Variants in UNC13C observed in about 807,000 individuals in gnomAD.
UNC13C encodes protein unc-13 homolog C.
Under a neutral mutation model 245.4 loss-of-function variants are expected in UNC13C, and 174 were observed. The observed-to-expected ratio is 0.71, with a 90% confidence interval of 0.63 to 0.80. UNC13C has a LOEUF of 0.80. UNC13C is among the 30% of genes least tolerant of loss of function. UNC13C has a pLI of 0.00. For missense variants in UNC13C, 2,829 were observed against 2,602.9 expected (o/e 1.09, Z -1.89); for synonymous variants, 992 against 895.1 (o/e 1.11, Z -1.93).
chr15:54,156,124 G>A (rs573302716), intron 4 of UNC13C, among the ~76,000 whole-genome samples: 9 of 152,300 alleles, frequency 5.9e-5, no homozygotes, highest in East Asian at 3.9e-4. Flanking sequence ...AGAAACTGAT[G>A]GATTTAAATT....
At position 54,555,743 on chromosome 15, in the gene UNC13C, T is replaced by C. The variant is rs116792002; in HGVS notation, c.5958+231T>C. Among the ~76,000 whole-genome samples the C allele has an allele frequency of 8.2e-3, 1,241 of 152,204 alleles. 19 individuals are homozygous for C. The highest frequency in any genetic ancestry group is 0.029 in the African/African-American group (1,208 of 41,550). On this transcript the variant is annotated intron_variant, in intron 29 of 32. Transcript: ENST00000260323. Reference sequence around the variant, plus strand: ...GCCAGATTTACCCCTGTCTATCTCCTTATGACATCCACAATAGACTGTCCT... The same window carrying C: ...GCCAGATTTACCCCTGTCTATCTCCCTATGACATCCACAATAGACTGTCCT...
intron 18 of UNC13C, among the ~76,000 whole-genome samples, chr15:54,404,805 G>A (rs995292915): frequency 2.0e-5 from 3 of 152,146 alleles, no homozygotes; most frequent in Non-Finnish European, 4.4e-5. Flanking sequence ...TTTATTTGTA[G>A]TTAATGTATG....
intron 17 of UNC13C, among the ~76,000 whole-genome samples, chr15:54,343,220 G>A (rs868541570): frequency 1.1e-4 from 16 of 150,926 alleles, no homozygotes; most frequent in Middle Eastern, 3.5e-3. Flanking sequence ...TGCAAACTCC[G>A]CCTCTTGGGT....
At chr15:53,852,785 G>T in the UNC13C span, among the ~76,000 whole-genome samples, 4 of 151,908 alleles carry the variant, frequency 2.6e-5, no homozygotes, top group African/African-American at 9.7e-5. Context: ...CTATTTTTTA[G>T]TTTTCTAATT....
In UNC13C at chr15:54,289,804, G is replaced by C. The variant is rs143846728; in HGVS notation, c.3819-4091G>C. 1.1e-3 allele frequency among the ~76,000 whole-genome samples: 171 copies of C among 151,884 alleles called. 3 individuals are homozygous for C. The East Asian group carries it at 0.028, about 25-fold the overall frequency. Reference sequence around the variant, plus strand: ...CAGTACTACATAGCATCCACTGTTGGGGGAAAAAAAAAGCAGTTCCCATGA... The same window carrying C: ...CAGTACTACATAGCATCCACTGTTGCGGGAAAAAAAAAGCAGTTCCCATGA... On this transcript the variant is annotated intron_variant, in intron 10 of 32. Coordinates refer to ENST00000260323, the MANE Select transcript of UNC13C (RefSeq NM_001080534.3).
In UNC13C at chr15:54,077,376, C is replaced by CTTTTTTTTTTTTTTT. The variant is rs768240170; in HGVS notation, c.2983+61496_2983+61510dup. Among the ~76,000 whole-genome samples, 63 of 62,722 alleles carry CTTTTTTTTTTTTTTT rather than the reference C, an allele frequency of 1.0e-3. 1 individual carries two copies. Among genetic ancestry groups the CTTTTTTTTTTTTTTT allele is most frequent in the East Asian group, 2.0e-3 (4 of 2,042 alleles). 41.1% of individuals were successfully genotyped at this position (62,722 alleles called of 152,430 possible). A position where few individuals can be genotyped will look rare whatever the true frequency, so the allele number is the denominator to read the frequency against. Reference sequence around the variant, plus strand: ...TTTTCCTTTTCTTTTCTTTTCTTTTCTTTTTTTTTTTTTTTTTTTTGAGAC... The same window carrying CTTTTTTTTTTTTTTT: ...TTTTCCTTTTCTTTTCTTTTCTTTTCTTTTTTTTTTTTTTTTTTTTTTTTTTTTTTTTTTTGAGAC... On this transcript the variant is annotated intron_variant, in intron 2 of 32. Transcript: ENST00000260323.
intron 10 of UNC13C, among the ~76,000 whole-genome samples, chr15:54,287,996 G>T (rs2037192315): frequency 6.6e-6 from 1 of 152,100 alleles, no homozygotes; most frequent in Non-Finnish European, 1.5e-5. Flanking sequence ...CTTCAGGTTT[G>T]GTTCTTTGTA....
intron 16 of UNC13C, among the ~76,000 whole-genome samples, chr15:54,335,317 C>G (rs1341649353): frequency 2.0e-5 from 3 of 152,130 alleles, no homozygotes; most frequent in Non-Finnish European, 2.9e-5. Context: ...CCCTTAATAG[C>G]AAAACTCCTT....
At chr15:53,855,095 T>C in the UNC13C span, among the ~76,000 whole-genome samples, 1 of 152,136 alleles carries the variant, frequency 6.6e-6, no homozygotes, top group East Asian at 1.9e-4. Flanking sequence ...GGCTCTCTGA[T>C]TGACTATTGT....
intron 5 of UNC13C, among the ~76,000 whole-genome samples, chr15:54,236,077 T>A (rs1596059118): frequency 6.6e-6 from 1 of 151,896 alleles, no homozygotes. Context: ...TATCTTCACA[T>A]TTTATGGGCA....
the UNC13C span, among the ~76,000 whole-genome samples, chr15:53,969,603 T>C: frequency 7.3e-5 from 11 of 151,390 alleles, no homozygotes; most frequent in African/African-American, 2.4e-4. Context: ...GGAGGGTTGC[T>C]TGAGCATAAG....
intron 4 of UNC13C, among the ~76,000 whole-genome samples, chr15:54,224,408 A>T (rs1023032928): frequency 2.6e-5 from 4 of 152,062 alleles, no homozygotes; most frequent in Admixed American, 1.3e-4. Context: ...TTTGTCCTTT[A>T]TTCTGTTGAT....
At chr15:54,123,528 AAT>A (rs369461938) in intron 2 of UNC13C, among the ~76,000 whole-genome samples, 1 of 152,208 alleles carries the variant, frequency 6.6e-6, no homozygotes, top group Non-Finnish European at 1.5e-5. Flanking sequence ...ATTCAAAAGT[AAT>A]AAATCAAAGT....
chr15:54,219,773 A>C (rs887696709), intron 4 of UNC13C, among the ~76,000 whole-genome samples: 8 of 151,606 alleles, frequency 5.3e-5, no homozygotes, highest in African/African-American at 1.9e-4. Context: ...ACCCCATCAA[A>C]AAGTGGGCAA....
At chr15:53,941,287 T>C in the UNC13C span, among the ~76,000 whole-genome samples, 177 of 151,862 alleles carry the variant, frequency 1.2e-3, 2 homozygotes, top group African/African-American at 4.0e-3. Context: ...TTACATAGTA[T>C]ACAAAAATGA....
chr15:54,044,221 A>G (rs1896934080), intron 2 of UNC13C, among the ~76,000 whole-genome samples: 2 of 152,118 alleles, frequency 1.3e-5, no homozygotes, highest in African/African-American at 4.8e-5. Context: ...TAATGTTTTC[A>G]AGGTTTCTCT....
chr15:54,580,165 G>T (rs1186600611), intron 30 of UNC13C, among the ~76,000 whole-genome samples: 1 of 152,182 alleles, frequency 6.6e-6, no homozygotes, highest in Non-Finnish European at 1.5e-5. Flanking sequence ...AACAGGTTTG[G>T]TGACCAATGG....
At chr15:54,427,702 A>G (rs1596360278) in intron 19 of UNC13C, among the ~76,000 whole-genome samples, 3 of 151,912 alleles carry the variant, frequency 2.0e-5, no homozygotes, top group African/African-American at 7.2e-5. Context: ...ACTTTTTGTG[A>G]AAGAAATTGT....
chr15:53,956,875 A>AGAGTGTGTGTGT, the UNC13C span, among the ~76,000 whole-genome samples: 3 of 139,700 alleles, frequency 2.1e-5, no homozygotes, highest in Non-Finnish European at 4.7e-5. Flanking sequence ...GTTAAGCTCA[A>AGAGTGTGTGTGT]GTGTGTGTGT....
Sources: allele counts gnomAD v4.1 joint callset (sites outside exome capture counted in the v4.1 genomes callset), GRCh38; gene constraint gnomAD v4.1.1; transcripts MANE v1.5; gene names NCBI Gene and HGNC (gene_info 2026-07-23, HGNC 2026-07-21).